Variants in ZNF469 observed in about 807,000 individuals in gnomAD.
ZNF469 encodes zinc finger protein 469.
In ZNF469, 1 loss-of-function variant was observed where a neutral mutation model predicts 1.0. The ratio of observed to expected loss-of-function variants is 1.00; its 90% CI spans 0.35 to 4.73. The LOEUF (loss-of-function observed/expected upper bound fraction) is 4.73. ZNF469 is among the 30% of genes most tolerant of loss of function. The pLI, the probability that ZNF469 is intolerant of heterozygous loss-of-function variation, is 0.16. For synonymous variants in ZNF469, 2,703 were observed against 2,363.4 expected, an observed-to-expected ratio of 1.14 and a Z score of -4.17; for missense variants, 6,100 against 5,356.3, an observed-to-expected ratio of 1.14 and a Z score of -4.33.
At chr16:88,298,524 G>A in the ZNF469 span, among the ~76,000 whole-genome samples, 3,927 of 152,286 alleles carry the variant, frequency 0.026, 186 homozygotes, top group East Asian at 0.16. Flanking sequence ...GTCTTCAGTT[G>A]TTTTAAGCTT....
the ZNF469 span, among the ~76,000 whole-genome samples, chr16:88,372,813 C>T: frequency 6.9e-6 from 1 of 145,698 alleles, no homozygotes; most frequent in Admixed American, 6.8e-5. Context: ...ATCATTACCA[C>T]CATCATCATG....
the ZNF469 span, among the ~76,000 whole-genome samples, chr16:88,152,835 C>T: frequency 1.3e-5 from 2 of 152,170 alleles, no homozygotes; most frequent in Non-Finnish European, 2.9e-5. This position sits in a 1 kb window ranked among gnomAD's most constrained non-coding sequence, Gnocchi z 4.2. Context: ...CTGACACAAA[C>T]CGCTGTCTAA....
At chr16:88,142,723 A>C in the ZNF469 span, among the ~76,000 whole-genome samples, 1 of 152,222 alleles carries the variant, frequency 6.6e-6, no homozygotes, top group Non-Finnish European at 1.5e-5. Flanking sequence ...GGGGAGGCTC[A>C]TCAGCTCACC....
intron 1 of ZNF469, among the ~76,000 whole-genome samples, chr16:88,390,139 C>T (rs940637732): frequency 6.6e-6 from 1 of 152,188 alleles, no homozygotes; most frequent in Non-Finnish European, 1.5e-5. Flanking sequence ...ACACTGACTC[C>T]GGGAAACCCA....
chr16:88,132,072 A>C, the ZNF469 span, among the ~76,000 whole-genome samples: 58 of 152,254 alleles, frequency 3.8e-4, no homozygotes, highest in African/African-American at 1.1e-3. Flanking sequence ...CACGGCCTGG[A>C]GTTCCGATGC....
chr16:88,113,771 G>A, the ZNF469 span, among the ~76,000 whole-genome samples: 2 of 152,162 alleles, frequency 1.3e-5, no homozygotes, highest in Non-Finnish European at 2.9e-5. Context: ...TAATTTCACC[G>A]ACACGGCTGG....
At chr16:88,419,121 C>T (rs1036587412) in intron 1 of ZNF469, among the ~76,000 whole-genome samples, 4 of 152,234 alleles carry the variant, frequency 2.6e-5, no homozygotes, top group Non-Finnish European at 4.4e-5. Flanking sequence ...GACCTGGGAC[C>T]GGAGGCTGCT....
the ZNF469 span, among the ~76,000 whole-genome samples, chr16:88,272,066 G>C: frequency 6.6e-6 from 1 of 152,018 alleles, no homozygotes; most frequent in African/African-American, 2.4e-5. Flanking sequence ...TAGGTGGGTA[G>C]ATGGATAGAT....
At chr16:88,360,789 C>A in the ZNF469 span, among the ~76,000 whole-genome samples, 8 of 151,380 alleles carry the variant, frequency 5.3e-5, no homozygotes, top group Non-Finnish European at 1.0e-4. Flanking sequence ...GGCAGTCCAC[C>A]CCCAGACAGT....
At chr16:88,106,293 C>A in the ZNF469 span, among the ~76,000 whole-genome samples, 2 of 152,200 alleles carry the variant, frequency 1.3e-5, no homozygotes, top group Non-Finnish European at 1.5e-5. Context: ...TCTCCCTGCT[C>A]GTGATTCACC....
the ZNF469 span, among the ~76,000 whole-genome samples, chr16:88,125,648 A>C: frequency 6.6e-6 from 1 of 152,218 alleles, no homozygotes; most frequent in Non-Finnish European, 1.5e-5. Context: ...GGTCTAGCTC[A>C]TACTTTGTAA....
chr16:88,242,773 G>A, the ZNF469 span, among the ~76,000 whole-genome samples: 2 of 152,248 alleles, frequency 1.3e-5, no homozygotes, highest in African/African-American at 2.4e-5. Context: ...CCGGCACATG[G>A]GGCTTGGCAC....
the ZNF469 span, among the ~76,000 whole-genome samples, chr16:88,236,828 C>G: frequency 1.3e-5 from 2 of 151,296 alleles, no homozygotes; most frequent in Non-Finnish European, 2.9e-5. Context: ...GCTAGTGCCA[C>G]TGCAGACACA....
intron 1 of ZNF469, among the ~76,000 whole-genome samples, chr16:88,387,087 A>G (rs113245378): frequency 7.2e-4 from 110 of 152,022 alleles, no homozygotes; most frequent in African/African-American, 2.5e-3. Context: ...GGCCTCCCCA[A>G]CCTCCAAGAC....
chr16:88,258,543 G>A, the ZNF469 span, among the ~76,000 whole-genome samples: 150 of 152,242 alleles, frequency 9.9e-4, 1 homozygote, highest in African/African-American at 3.3e-3. Flanking sequence ...TTCTGGGCTA[G>A]AAGTTTAAGG....
chr16:88,110,567 C>A, the ZNF469 span, among the ~76,000 whole-genome samples: 3 of 152,260 alleles, frequency 2.0e-5, no homozygotes, highest in African/African-American at 7.2e-5. Flanking sequence ...GGTGCAGCCT[C>A]CTGACTTCAG....
upstream of ZNF469, among the ~76,000 whole-genome samples, chr16:88,382,208 G>A (rs2092527090): frequency 6.6e-6 from 1 of 152,248 alleles, no homozygotes; most frequent in African/African-American, 2.4e-5. Flanking sequence ...GACAGCCGGG[G>A]ACGGGCACGT....
Position 88,430,056 on chromosome 16 carries a change from C to T in ZNF469, c.2586C>T (p.Ser862=). The change falls in exon 3 of 3, where the codon AGC becomes AGT. Residue 862 remains serine (S), a synonymous_variant. Coordinates refer to ENST00000565624, the MANE Select transcript of ZNF469 (RefSeq NM_001367624.2). Reference sequence around the variant, plus strand: ...AGTCGGACAACCCGGAGATCGACAGCAGCTTCATCGACGTCTTCGCGGACG... The same window carrying T: ...AGTCGGACAACCCGGAGATCGACAGTAGCTTCATCGACGTCTTCGCGGACG... ...EYQSDNPEID[S]SFIDVFADEE... 6.4e-7 allele frequency: 1 copy of T among 1,550,392 alleles called. No homozygotes were observed. Among genetic ancestry groups the T allele is most frequent in the Non-Finnish European group, 8.7e-7 (1 of 1,146,974 alleles).
the ZNF469 span, among the ~76,000 whole-genome samples, chr16:88,111,996 C>G: frequency 2.6e-5 from 4 of 152,186 alleles, no homozygotes; most frequent in African/African-American, 9.7e-5. Context: ...CCAGTTCCAT[C>G]CGCGTTGTTC....
Sources: gnomAD v4.1 joint callset for allele counts (sites outside exome capture counted in the v4.1 genomes callset) on GRCh38, gnomAD v4.1.1 for gene constraint, Gnocchi (gnomAD v3.1) non-coding constraint, MANE v1.5 for transcripts, NCBI Gene and HGNC (gene_info 2026-07-23, HGNC 2026-07-21) for gene names.